Variants in NCR1 observed in about 807,000 individuals in gnomAD.
NCR1 encodes natural cytotoxicity triggering receptor 1.
A neutral mutation model predicts 32.5 loss-of-function variants in NCR1; 30 were observed. That is an observed-to-expected ratio of 0.92 (90% CI 0.69 to 1.25). The LOEUF (loss-of-function observed/expected upper bound fraction) is 1.25. NCR1 is among the 50% of genes most tolerant of loss of function. NCR1 has a pLI of 0.00. For missense variants in NCR1, 369 were observed against 380.7 expected (o/e 0.97, Z 0.26); for synonymous variants, 169 against 143.4 (o/e 1.18, Z -1.28).
downstream of NCR1, among the ~76,000 whole-genome samples, chr19:54,919,684 T>G: frequency 6.8e-6 from 1 of 146,576 alleles, no homozygotes. Flanking sequence ...AGGAGCAGAG[T>G]CTTCTCTAAA....
chr19:54,899,038 G>T, the NCR1 span, among the ~76,000 whole-genome samples: 2 of 152,122 alleles, frequency 1.3e-5, no homozygotes, highest in African/African-American at 4.8e-5. Flanking sequence ...GATGCTTGGG[G>T]TTGGGACTGA....
chr19:54,916,798 G>A (rs370309392), downstream of NCR1, among the ~76,000 whole-genome samples: 13 of 138,716 alleles, frequency 9.4e-5, no homozygotes, highest in African/African-American at 3.5e-4. Flanking sequence ...TCCGCTTTCC[G>A]GGTTCAAGCG....
chr19:54,934,944 A>G, the NCR1 span, among the ~76,000 whole-genome samples: 1 of 152,000 alleles, frequency 6.6e-6, no homozygotes, highest in Non-Finnish European at 1.5e-5. This position sits in a 1 kb window ranked among gnomAD's most constrained non-coding sequence, Gnocchi z 6.7. Context: ...TGATCCACCC[A>G]CCTTGGCCTA....
chr19:54,907,445 C>G (rs2067691877), intron 3 of NCR1, among the ~76,000 whole-genome samples: 1 of 146,656 alleles, frequency 6.8e-6, no homozygotes, highest in Non-Finnish European at 1.5e-5. Flanking sequence ...GCCATCACAC[C>G]CAGCCAGGTG....
chr19:54,932,018 T>C, the NCR1 span, among the ~76,000 whole-genome samples: 1 of 152,168 alleles, frequency 6.6e-6, no homozygotes, highest in South Asian at 2.1e-4. Context: ...GTCATTTTAT[T>C]TCATGTTTAA....
the NCR1 span, among the ~76,000 whole-genome samples, chr19:54,900,717 T>C: frequency 2.8e-4 from 43 of 152,140 alleles, no homozygotes; most frequent in Middle Eastern, 3.2e-3. Context: ...GTATGTTATG[T>C]GTATTTTGCC....
At chr19:54,901,694 G>A (rs942950822), upstream of NCR1, among the ~76,000 whole-genome samples, 12 of 152,106 alleles carry the variant, frequency 7.9e-5, no homozygotes, top group South Asian at 2.1e-4. Context: ...GAGGCTGGGC[G>A]TGGTGGCTCA....
chr19:54,938,145 G>T, the NCR1 span: 4 of 1,614,036 alleles, frequency 2.5e-6, no homozygotes, highest in Non-Finnish European at 3.4e-6. Context: ...GAAACTTGAG[G>T]TTGCTGTTTG....
chr19:54,910,034 C>T lies in NCR1; in HGVS notation c.651C>T (p.Thr217=). 6.2e-7 allele frequency: 1 copy of T among 1,613,790 alleles called. No individual in the cohort carries two copies. Among genetic ancestry groups the T allele is most frequent in the Non-Finnish European group, 8.5e-7 (1 of 1,179,924 alleles). ...KLLVTGDIEN[T]SLAPEDPTFP... is the part of the protein sequence containing the mutation. ...CTTTTCCAGGCGACATTGAGAACAC[C>T]AGCCTTGCACCTGAAGACCCCACCT... The change falls in exon 5 of 7, where the codon ACC becomes ACT. Residue 217 remains threonine (T), a synonymous_variant. Transcript: ENST00000291890.
chr19:54,898,985 T>G, the NCR1 span, among the ~76,000 whole-genome samples: 2 of 151,868 alleles, frequency 1.3e-5, no homozygotes, highest in Non-Finnish European at 2.9e-5. Flanking sequence ...GGAGGGGAGA[T>G]GTCAGATGGG....
At chr19:54,898,404 G>C in the NCR1 span, among the ~76,000 whole-genome samples, 1 of 152,188 alleles carries the variant, frequency 6.6e-6, no homozygotes, top group Middle Eastern at 3.2e-3. Context: ...TCAGGCGTTT[G>C]GAGTTCTCGT....
chr19:54,923,702 C>A, the NCR1 span: 21 of 1,611,058 alleles, frequency 1.3e-5, no homozygotes, highest in Admixed American at 3.5e-4. Flanking sequence ...GACCCGAATC[C>A]CGCTTCCTGT....
At chr19:54,929,438 G>A in the NCR1 span, among the ~76,000 whole-genome samples, 25 of 152,110 alleles carry the variant, frequency 1.6e-4, no homozygotes, top group Non-Finnish European at 2.1e-4. Flanking sequence ...TAGTAATGAC[G>A]TGCAGATTCT....
downstream of NCR1, among the ~76,000 whole-genome samples, chr19:54,914,828 C>T (rs748595606): frequency 2.0e-5 from 3 of 151,916 alleles, no homozygotes; most frequent in Admixed American, 6.6e-5. Flanking sequence ...CAACCTTCGC[C>T]TCTGGGGCTC....
chr19:54,906,342 C>G lies in NCR1; in HGVS notation c.70+8C>G, dbSNP rs376123337. The G allele has an allele frequency of 3.7e-4, 600 of 1,613,218 alleles. No homozygotes were observed. The highest frequency in any genetic ancestry group is 4.8e-4 in the Non-Finnish European group (561 of 1,179,976). ...GGATCAGCGCCCAGCAGCGTGAGTCCTTCCTTCAAAGCCCAGGGTCACTCT... is the reference window on the plus strand; with the variant it reads ...GGATCAGCGCCCAGCAGCGTGAGTCGTTCCTTCAAAGCCCAGGGTCACTCT... On this transcript the variant is annotated splice_region_variant and intron_variant, in intron 2 of 6. Coordinates refer to ENST00000291890, the MANE Select transcript of NCR1 (RefSeq NM_004829.7).
At chr19:54,904,531 C>CTTTTTTTTTTTTTTTTTTT (rs1556717280), upstream of NCR1, among the ~76,000 whole-genome samples, 2 of 118,994 alleles carry the variant, frequency 1.7e-5, no homozygotes, top group Admixed American at 9.2e-5. Flanking sequence ...GTTTTCTTTT[C>CTTTTTTTTTTTTTTTTTTT]TTTTTTTTTT....
At position 54,906,698 on chromosome 19, in the gene NCR1, A is replaced by G. The variant is rs2067642020; in HGVS notation, c.246A>G (p.Gln82=). Residue 82 remains glutamine, a synonymous_variant, in exon 3 of 7, where the codon CAA becomes CAG. Coordinates refer to ENST00000291890, the MANE Select transcript of NCR1 (RefSeq NM_004829.7). ...CCCCTGAGCGGATTAACAAAGTCCAATTCTACATCCCGGACATGAACTCCC... is the reference window on the plus strand; with the variant it reads ...CCCCTGAGCGGATTAACAAAGTCCAGTTCTACATCCCGGACATGAACTCCC... ...PKPPERINKV[Q]FYIPDMNSRM... is the part of the protein sequence containing the mutation. 1.2e-6 allele frequency: 2 copies of G among 1,614,080 alleles called. No individual in the cohort carries two copies. Among genetic ancestry groups the G allele is most frequent in the East Asian group, 2.2e-5 (1 of 44,892 alleles).
At chr19:54,932,698 C>T in the NCR1 span, among the ~76,000 whole-genome samples, 5 of 152,018 alleles carry the variant, frequency 3.3e-5, no homozygotes, top group East Asian at 1.9e-4. Flanking sequence ...CTCTGTCGCC[C>T]GGGCTGGAGT....
intron 5 of NCR1, among the ~76,000 whole-genome samples, chr19:54,910,359 C>T (rs997712875): frequency 6.6e-6 from 1 of 152,108 alleles, no homozygotes; most frequent in Non-Finnish European, 1.5e-5. Flanking sequence ...ATCACAAGGT[C>T]AGGAATTCGA....
Sources: allele counts gnomAD v4.1 joint callset (sites outside exome capture counted in the v4.1 genomes callset), GRCh38; gene constraint gnomAD v4.1.1; non-coding constraint Gnocchi (gnomAD v3.1); transcripts MANE v1.5; gene names NCBI Gene and HGNC (gene_info 2026-07-23, HGNC 2026-07-21).